Variants in SLC22A3 observed in about 807,000 individuals in gnomAD.
SLC22A3 encodes the protein solute carrier family 22 member 3, also known as EMT organic cation transporter 3.
In SLC22A3, 51 loss-of-function variants were observed where a neutral mutation model predicts 59.1. The observed-to-expected ratio is 0.86, with a 90% CI of 0.69 to 1.09. The LOEUF is 1.09. SLC22A3 is among the 50% of genes least tolerant of loss of function. The pLI, the probability that SLC22A3 is intolerant of heterozygous loss-of-function variation, is 0.00. For synonymous variants in SLC22A3, 325 were observed against 292.0 expected (o/e 1.11, Z -1.15); for missense variants, 711 against 726.3 (o/e 0.98, Z 0.24).
intron 9 of SLC22A3, among the ~76,000 whole-genome samples, chr6:160,446,614 G>A (rs1326653648): frequency 6.6e-6 from 1 of 152,108 alleles, no homozygotes; most frequent in Non-Finnish European, 1.5e-5. Flanking sequence ...CCTCCCACCA[G>A]GTCCCTCCCT....
intron 5 of SLC22A3, among the ~76,000 whole-genome samples, chr6:160,419,440 G>T (rs143759051): frequency 1.3e-5 from 2 of 152,124 alleles, no homozygotes; most frequent in African/African-American, 2.4e-5. Flanking sequence ...TGCTGTCTTT[G>T]TTAACTGTTG....
At position 160,426,040 on chromosome 6, in the gene SLC22A3, T is replaced by C. The variant is rs377156912; in HGVS notation, c.976-10740T>C. The stretch of plus-strand genomic sequence containing the variant: ...CGTACCAGTGAACAATGAGTTACCA[T>C]GTGCAGAAAATATTCTGCAAATCAA... On this transcript the variant is annotated intron_variant, in intron 5 of 10. Coordinates refer to ENST00000275300, the MANE Select transcript of SLC22A3 (RefSeq NM_021977.4). 1.2e-4 allele frequency: 115 copies of C among 985,440 alleles called. 2 individuals carry two copies. In the Middle Eastern group the frequency reaches 7.3e-3, roughly 63 times the overall value. The allele number at this position is 985,440 out of a possible 1,614,324, so 61.0% of individuals were successfully genotyped here. A position where few individuals can be genotyped will look rare whatever the true frequency, so the allele number is the denominator to read the frequency against.
intron 1 of SLC22A3, among the ~76,000 whole-genome samples, chr6:160,371,596 G>A (rs1441246116): frequency 6.6e-6 from 1 of 152,158 alleles, no homozygotes; most frequent in Non-Finnish European, 1.5e-5. Context: ...TGGACATTTG[G>A]GTTGGTTCCC....
intron 1 of SLC22A3, among the ~76,000 whole-genome samples, chr6:160,370,042 G>T (rs55758609): frequency 6.6e-6 from 1 of 152,198 alleles, no homozygotes; most frequent in Admixed American, 6.5e-5. Flanking sequence ...CCTCTGTGTA[G>T]CTTGGGCTTC....
intron 1 of SLC22A3, among the ~76,000 whole-genome samples, chr6:160,394,533 C>T (rs1367814767): frequency 6.6e-6 from 1 of 152,200 alleles, no homozygotes; most frequent in African/African-American, 2.4e-5. Flanking sequence ...CTTGGGCCTG[C>T]AGTTTTCCCT....
chr6:160,437,566 A>T (rs1788391345), intron 7 of SLC22A3, among the ~76,000 whole-genome samples: 1 of 152,226 alleles, frequency 6.6e-6, no homozygotes, highest in African/African-American at 2.4e-5. Flanking sequence ...ACCATGCTAA[A>T]CGCTGAGGTT....
chr6:160,398,031 T>G lies in SLC22A3; in HGVS notation c.482T>G (p.Leu161Arg). 6.2e-7 allele frequency: 1 copy of G among 1,613,814 alleles called. No homozygotes were observed. Among genetic ancestry groups the G allele is most frequent in the Non-Finnish European group, 8.5e-7 (1 of 1,179,740 alleles). The change falls in exon 2 of 11, where the codon CTG becomes CGG. Residue 161 changes from leucine (L) to arginine (R), a missense_variant. Physicochemically the swap from Leu to Arg is moderately radical, Grantham distance 102. Transcript: ENST00000275300. ...AWMLDLTQAILNLGFLTGAFT... is the reference protein window; with the variant it reads ...AWMLDLTQAIRNLGFLTGAFT... ...ATGCTGGACCTCACCCAAGCCATCC[T>G]GAACCTCGGCTTCCTGACTGGAGCA...
chr6:160,384,738 C>T (rs931091306), intron 1 of SLC22A3, among the ~76,000 whole-genome samples: 1 of 152,152 alleles, frequency 6.6e-6, no homozygotes, highest in Non-Finnish European at 1.5e-5. Context: ...TCCTTCCACC[C>T]TCAGAATTTC....
chr6:160,407,897 C>T (rs1406487126), intron 3 of SLC22A3, among the ~76,000 whole-genome samples: 1 of 152,154 alleles, frequency 6.6e-6, no homozygotes, highest in Non-Finnish European at 1.5e-5. Flanking sequence ...TGCTGCAGAT[C>T]TTTGCACTTC....
At chr6:160,367,800 T>G (rs1345476760) in intron 1 of SLC22A3, among the ~76,000 whole-genome samples, 1 of 152,126 alleles carries the variant, frequency 6.6e-6, no homozygotes, top group Non-Finnish European at 1.5e-5. Context: ...GAGGCCCAGG[T>G]CCCTCCCCTG....
intron 1 of SLC22A3, among the ~76,000 whole-genome samples, chr6:160,385,598 G>C (rs1415575054): frequency 3.3e-5 from 5 of 152,138 alleles, no homozygotes; most frequent in Non-Finnish European, 5.9e-5. Flanking sequence ...AAGCTTCCTC[G>C]GCCCTACTGT....
In SLC22A3 at chr6:160,437,178, G is replaced by T. The variant is rs774445345; in HGVS notation, c.1255G>T (p.Val419Leu). 1.2e-6 allele frequency: 2 copies of T among 1,614,126 alleles called. No individual in the cohort carries two copies. Among genetic ancestry groups the T allele is most frequent in the Non-Finnish European group, 1.7e-6 (2 of 1,179,994 alleles). The change falls in exon 7 of 11, where the codon GTG becomes TTG. Residue 419 changes from valine (V) to leucine (L), a missense_variant. By Grantham distance (32) the Val-to-Leu change is conservative. Coordinates refer to ENST00000275300, the MANE Select transcript of SLC22A3 (RefSeq NM_021977.4). ...PFAASNIVAG[V>L]ACLVTAFLPE... is the part of the protein sequence containing the mutation. ...TGCGGCAAGCAATATAGTGGCAGGG[G>T]TGGCATGCCTTGTCACTGCGTTCTT... is the stretch of plus-strand genomic sequence containing the variant.
At chr6:160,432,398 CT>C (rs777727391) in intron 5 of SLC22A3, among the ~76,000 whole-genome samples, 1,447 of 144,126 alleles carry the variant, frequency 0.01, 27 homozygotes, top group African/African-American at 0.035. Context: ...TAAAAGTGAG[CT>C]TTTTTTTTTG....
chr6:160,414,524 A>G (rs1429083387), intron 5 of SLC22A3, among the ~76,000 whole-genome samples: 1 of 152,204 alleles, frequency 6.6e-6, no homozygotes, highest in East Asian at 1.9e-4. Context: ...TCACACTGCT[A>G]TAAAGAACTG....
chr6:160,385,991 TG>T (rs201942630), intron 1 of SLC22A3, among the ~76,000 whole-genome samples: 7 of 117,522 alleles, frequency 6.0e-5, no homozygotes, highest in African/African-American at 2.0e-4. Flanking sequence ...TGTCTTATTT[TG>T]TTATTGTGCA....
chr6:160,379,785 C>T (rs1207449803), intron 1 of SLC22A3, among the ~76,000 whole-genome samples: 1 of 152,214 alleles, frequency 6.6e-6, no homozygotes, highest in Admixed American at 6.5e-5. Flanking sequence ...ATCAATACAT[C>T]TGAAATATAT....
At chr6:160,404,792 C>T (rs1191579249) in intron 2 of SLC22A3, among the ~76,000 whole-genome samples, 1 of 151,186 alleles carries the variant, frequency 6.6e-6, no homozygotes, top group African/African-American at 2.4e-5. Context: ...AGAAATAGAC[C>T]CACATAAATA....
chr6:160,350,342 A>T (rs1784618904), intron 1 of SLC22A3, among the ~76,000 whole-genome samples: 1 of 151,910 alleles, frequency 6.6e-6, no homozygotes, highest in East Asian at 1.9e-4. Flanking sequence ...CCCCCTGGCA[A>T]GACAGCCAGG....
intron 1 of SLC22A3, among the ~76,000 whole-genome samples, chr6:160,365,011 A>G (rs1785157803): frequency 6.6e-6 from 1 of 152,118 alleles, no homozygotes; most frequent in Non-Finnish European, 1.5e-5. Context: ...CTTACATAGT[A>G]AGTATATTTA....
Sources: allele counts gnomAD v4.1 joint callset (sites outside exome capture counted in the v4.1 genomes callset), GRCh38; gene constraint gnomAD v4.1.1; transcripts MANE v1.5; gene names NCBI Gene and HGNC (gene_info 2026-07-23, HGNC 2026-07-21).